The following B3GLCT variants were observed in gnomAD, a reference collection of about 807,000 sequenced individuals.
B3GLCT encodes beta-1,3-glucosyltransferase.
In B3GLCT, 65 loss-of-function variants were observed where a neutral mutation model predicts 63.4. That is an observed-to-expected ratio of 1.03 (90% CI 0.84 to 1.26). B3GLCT has a LOEUF of 1.26. B3GLCT is among the 50% of genes most tolerant of loss of function. The pLI is 0.00. For synonymous variants in B3GLCT, 233 were observed against 219.2 expected (o/e 1.06, Z -0.55); for missense variants, 577 against 604.8 (o/e 0.95, Z 0.48).
intron 12 of B3GLCT, among the ~76,000 whole-genome samples, chr13:31,298,014 C>T (rs1011040729): frequency 6.6e-6 from 1 of 152,150 alleles, no homozygotes; most frequent in Non-Finnish European, 1.5e-5. Context: ...ATTATATAGC[C>T]ACGATTGATT....
chr13:31,254,201 A>G (rs536379699), intron 6 of B3GLCT, among the ~76,000 whole-genome samples: 66 of 152,350 alleles, frequency 4.3e-4, no homozygotes, highest in African/African-American at 1.5e-3. Context: ...TCCTGATACC[A>G]AAACCTGGCA....
At position 31,274,619 on chromosome 13, in the gene B3GLCT, A is replaced by G. The variant is rs368566969; in HGVS notation, c.771A>G (p.Leu257=). The change falls in exon 9 of 15, where the codon CTA becomes CTG. Residue 257 remains leucine, a synonymous_variant. Coordinates refer to ENST00000343307, the MANE Select transcript of B3GLCT (RefSeq NM_194318.4). ...GTGCTACCACATTCCATTCTTTTCT[A>G]CCGCTTTGTGTGAGTAACAGAAGAA... ...FYCATTFHSF[L]PLCRKPVKKK... is the part of the protein sequence containing the mutation. The G allele has an allele frequency of 1.2e-6, 2 of 1,614,106 alleles. No homozygotes were observed. Among genetic ancestry groups the G allele is most frequent in the Non-Finnish European group, 8.5e-7 (1 of 1,179,990 alleles).
chr13:31,288,178 A>C (rs1873443134), intron 12 of B3GLCT, among the ~76,000 whole-genome samples: 1 of 152,226 alleles, frequency 6.6e-6, no homozygotes, highest in Non-Finnish European at 1.5e-5. Flanking sequence ...AGCCACCTCC[A>C]GGAATGCCAT....
At chr13:31,250,255 C>T (rs1871367839) in intron 6 of B3GLCT, among the ~76,000 whole-genome samples, 2 of 152,286 alleles carry the variant, frequency 1.3e-5, no homozygotes, top group South Asian at 4.1e-4. Context: ...CTCACTGCAA[C>T]CTCCACCTCC....
intron 2 of B3GLCT, among the ~76,000 whole-genome samples, chr13:31,222,475 C>T (rs987632238): frequency 1.3e-5 from 2 of 152,172 alleles, no homozygotes; most frequent in African/African-American, 4.8e-5. Context: ...ATTGTGGTAA[C>T]ATTCTTGAAG....
chr13:31,251,762 G>T lies in B3GLCT; in HGVS notation c.459+3796G>T, dbSNP rs192763776. 8.5e-5 allele frequency among the ~76,000 whole-genome samples: 13 copies of T among 152,268 alleles called. No homozygotes were observed. In the East Asian group the frequency reaches 2.1e-3, roughly 25 times the overall value. ...TTTGATTGCTGTACCTGAAAGTGAT[G>T]GCGAGAATGGAACCAAGTTGGAAAA... is the stretch of plus-strand genomic sequence containing the variant. On this transcript the variant is annotated intron_variant, in intron 6 of 14. Transcript: ENST00000343307.
chr13:31,257,971 T>C (rs1489159398), intron 6 of B3GLCT, among the ~76,000 whole-genome samples: 1 of 152,062 alleles, frequency 6.6e-6, no homozygotes. Flanking sequence ...AGATAAGCAA[T>C]AGAGAAAAAT....
At chr13:31,255,884 G>C (rs1871713712) in intron 6 of B3GLCT, among the ~76,000 whole-genome samples, 1 of 152,186 alleles carries the variant, frequency 6.6e-6, no homozygotes, top group Non-Finnish European at 1.5e-5. Flanking sequence ...ATAGGCATGG[G>C]CAAAGACTTC....
intron 12 of B3GLCT, among the ~76,000 whole-genome samples, chr13:31,316,721 G>GA (rs968272760): frequency 1.6e-4 from 25 of 151,698 alleles, no homozygotes; most frequent in African/African-American, 6.1e-4. Context: ...TTAAAACATA[G>GA]AAAAAATAGG....
chr13:31,231,460 C>G (rs1393821013), intron 4 of B3GLCT, among the ~76,000 whole-genome samples: 1 of 152,180 alleles, frequency 6.6e-6, no homozygotes, highest in African/African-American at 2.4e-5. Flanking sequence ...TTAATCCATA[C>G]CAGTGGTCCT....
intron 6 of B3GLCT, among the ~76,000 whole-genome samples, chr13:31,249,514 T>C (rs1188219323): frequency 1.3e-5 from 2 of 152,218 alleles, no homozygotes; most frequent in African/African-American, 4.8e-5. Context: ...GTAGGAGTTT[T>C]CACCTCCTCC....
intron 1 of B3GLCT, among the ~76,000 whole-genome samples, chr13:31,207,812 C>G (rs963706111): frequency 6.6e-6 from 1 of 152,190 alleles, no homozygotes; most frequent in Admixed American, 6.5e-5. Flanking sequence ...TGGCCTCCTT[C>G]CTCACTACTT....
At chr13:31,206,319 G>T (rs1182924545) in intron 1 of B3GLCT, among the ~76,000 whole-genome samples, 1 of 152,180 alleles carries the variant, frequency 6.6e-6, no homozygotes, top group Non-Finnish European at 1.5e-5. Flanking sequence ...TGATTCAGAA[G>T]ATCTGAAATG....
chr13:31,261,123 G>T, intron 7 of B3GLCT, 41 bp downstream of exon 7: 1 of 1,577,900 alleles, frequency 6.3e-7, no homozygotes, highest in South Asian at 1.1e-5. Context: ...CGGGAGGGGT[G>T]TGCATCAACT....
chr13:31,237,363 T>TC (rs1172186275), intron 4 of B3GLCT, among the ~76,000 whole-genome samples: 2 of 150,128 alleles, frequency 1.3e-5, no homozygotes, highest in African/African-American at 2.4e-5. Flanking sequence ...GTTTTTTTTT[T>TC]TTTTTTTTAG....
At chr13:31,267,851 C>CTT (rs745334847) in intron 7 of B3GLCT, among the ~76,000 whole-genome samples, 1 of 143,672 alleles carries the variant, frequency 7.0e-6, no homozygotes. Context: ...TTGTTTCTTT[C>CTT]TTTTTTTTTT....
intron 4 of B3GLCT, among the ~76,000 whole-genome samples, chr13:31,235,253 A>G (rs1361611442): frequency 6.6e-6 from 1 of 152,142 alleles, no homozygotes. Context: ...TGGGTGTCAT[A>G]TCTGAAGTGA....
chr13:31,299,382 TGTTTA>T (rs1364248774), intron 12 of B3GLCT, among the ~76,000 whole-genome samples: 1 of 152,182 alleles, frequency 6.6e-6, no homozygotes, highest in Non-Finnish European at 1.5e-5. Flanking sequence ...CAATATCTTC[TGTTTA>T]GTTGTTTTTT....
In B3GLCT at chr13:31,218,538, G is replaced by T. The variant is rs541466438; in HGVS notation, c.120+3438G>T. On this transcript the variant is annotated intron_variant, in intron 2 of 14. Transcript: ENST00000343307. Reference sequence around the variant, plus strand: ...TTTGCTGTCAGCGTGGATGTTATTTGTGTATGGAAATGCTACTGATTTTTG... The same window carrying T: ...TTTGCTGTCAGCGTGGATGTTATTTTTGTATGGAAATGCTACTGATTTTTG... Among the ~76,000 whole-genome samples, 7 of 152,132 alleles carry T rather than the reference G, an allele frequency of 4.6e-5. No individual in the cohort carries two copies. In the South Asian group the frequency reaches 1.5e-3, roughly 32 times the overall value.
Sources: gnomAD v4.1 joint callset for allele counts (sites outside exome capture counted in the v4.1 genomes callset) on GRCh38, gnomAD v4.1.1 for gene constraint, MANE v1.5 for transcripts, NCBI Gene and HGNC (gene_info 2026-07-23, HGNC 2026-07-21) for gene names.